UBR3: variants seen among roughly 807,000 people sequenced by gnomAD.
The protein encoded by UBR3 is E3 ubiquitin-protein ligase UBR3.
A neutral mutation model predicts 243.2 loss-of-function variants in UBR3; 85 were observed. That is an observed-to-expected ratio of 0.35 (90% CI 0.29 to 0.42). UBR3 has a LOEUF of 0.42. Ranked by LOEUF, UBR3 falls within the 10% of genes least tolerant of loss-of-function variation. The pLI is 1.00. For missense variants in UBR3, 1,686 were observed against 2,300.8 expected (o/e 0.73, Z 5.47); for synonymous variants, 748 against 799.8 (o/e 0.94, Z 1.09).
Position 169,949,666 on chromosome 2 carries a change from T to A in UBR3, c.3146T>A (p.Ile1049Asn), listed in dbSNP as rs1242111696. 9.0e-6 allele frequency: 14 copies of A among 1,551,082 alleles called. 1 individual carries two copies. In the South Asian group the frequency reaches 1.7e-4, roughly 18 times the overall value. The change falls in exon 23 of 39, where the codon ATC becomes AAC. Residue 1049 changes from isoleucine (I) to asparagine (N), a missense_variant. Physicochemically the swap from Ile to Asn is moderately radical, Grantham distance 149. Transcript: ENST00000272793. Reference protein sequence around the residue: ...VAERRKKFQEIINRSSSEANQ... With the variant: ...VAERRKKFQENINRSSSEANQ... ...GAACGTAGAAAGAAATTTCAGGAAATCATCAATCGCAGTAGCAGTGAAGCA... is the reference window on the plus strand; with the variant it reads ...GAACGTAGAAAGAAATTTCAGGAAAACATCAATCGCAGTAGCAGTGAAGCA...
chr2:169,856,852 G>GGAGGGA (rs1559026587), intron 1 of UBR3, among the ~76,000 whole-genome samples: 4 of 142,326 alleles, frequency 2.8e-5, no homozygotes, highest in East Asian at 2.2e-4. Flanking sequence ...AGGGGGAGGG[G>GGAGGGA]GAGCTATCCA....
chr2:170,052,122 C>T (rs1342617450), intron 32 of UBR3, among the ~76,000 whole-genome samples: 1 of 152,134 alleles, frequency 6.6e-6, no homozygotes, highest in Non-Finnish European at 1.5e-5. Flanking sequence ...CTCTGTTTTA[C>T]ATTTTAGTCA....
chr2:169,851,287 G>T (rs1474789450), intron 1 of UBR3, among the ~76,000 whole-genome samples: 1 of 151,606 alleles, frequency 6.6e-6, no homozygotes, highest in African/African-American at 2.4e-5. Context: ...ACCATGTTTG[G>T]CTAATTTTTG....
chr2:169,832,473 C>T (rs907601761), intron 1 of UBR3, among the ~76,000 whole-genome samples: 3 of 151,688 alleles, frequency 2.0e-5, no homozygotes, highest in African/African-American at 7.3e-5. Context: ...TGGCGTGAAC[C>T]CGGGAGGCGG....
intron 24 of UBR3, chr2:169,964,397 A>G (rs984694527): frequency 2.1e-6 from 1 of 470,186 alleles, no homozygotes; most frequent in Admixed American, 2.4e-5. Flanking sequence ...CACAAGTGAG[A>G]CAAAACAAAA....
At chr2:170,001,486 C>A in intron 27 of UBR3, 72 bp downstream of exon 27, 1 of 854,614 alleles carries the variant, frequency 1.2e-6, no homozygotes, top group Non-Finnish European at 1.9e-6. Flanking sequence ...ATAGTATATA[C>A]ATCCCAATTC....
chr2:170,043,036 C>T lies in UBR3; in HGVS notation c.4660+2051C>T, dbSNP rs528126763. On this transcript the variant is annotated intron_variant, in intron 32 of 38. Coordinates refer to ENST00000272793, the MANE Select transcript of UBR3 (RefSeq NM_172070.4). Reference sequence around the variant, plus strand: ...TTGCCTTGGATCATGCTGGTTTACTCCTGATTGTGCTCTTCTAATTATATT... The same window carrying T: ...TTGCCTTGGATCATGCTGGTTTACTTCTGATTGTGCTCTTCTAATTATATT... 3.0e-4 allele frequency among the ~76,000 whole-genome samples: 46 copies of T among 151,980 alleles called. No individual in the cohort carries two copies. In the Middle Eastern group the frequency reaches 0.017, roughly 56 times the overall value.
chr2:169,910,825 A>G (rs914195964), intron 10 of UBR3, among the ~76,000 whole-genome samples: 2 of 152,188 alleles, frequency 1.3e-5, no homozygotes, highest in Non-Finnish European at 2.9e-5. Context: ...TTTGAAAGCA[A>G]ATTTATCTAA....
rs1231006416 is a variant in UBR3, at chr2:170,083,138, C to T, written c.*1295C>T. ...TTCCATGGCTTGTTATATAAAATTACATTTTTACATGTAAAAATAAACTAA... is the reference window on the plus strand; with the variant it reads ...TTCCATGGCTTGTTATATAAAATTATATTTTTACATGTAAAAATAAACTAA... On this transcript the variant is annotated 3_prime_UTR_variant, in exon 39 of 39. Transcript: ENST00000272793. The T allele has an allele frequency of 1.3e-5, 2 of 151,400 alleles. No individual in the cohort carries two copies. The highest frequency in any genetic ancestry group is 4.9e-5 in the African/African-American group (2 of 41,104). 9.4% of individuals were successfully genotyped at this position (151,400 alleles called of 1,614,324 possible).
At chr2:170,059,390 T>A (rs2091409705) in intron 33 of UBR3, among the ~76,000 whole-genome samples, 1 of 152,216 alleles carries the variant, frequency 6.6e-6, no homozygotes, top group South Asian at 2.1e-4. Flanking sequence ...AGGAAGCTTT[T>A]AGACTGAATT....
intron 25 of UBR3, among the ~76,000 whole-genome samples, chr2:169,988,993 G>A (rs1183514033): frequency 6.6e-6 from 1 of 151,740 alleles, no homozygotes; most frequent in Non-Finnish European, 1.5e-5. Context: ...TTTTAGATTT[G>A]AATATGGAAA....
At chr2:169,873,216 T>C (rs2083487695) in intron 2 of UBR3, among the ~76,000 whole-genome samples, 1 of 152,184 alleles carries the variant, frequency 6.6e-6, no homozygotes. Flanking sequence ...TCTATCTCCA[T>C]CCTTAAAGTG....
intron 35 of UBR3, among the ~76,000 whole-genome samples, chr2:170,066,311 T>C (rs2091565647): frequency 6.6e-6 from 1 of 152,242 alleles, no homozygotes; most frequent in Non-Finnish European, 1.5e-5. Context: ...GGACTAATGA[T>C]AGTAACCTAT....
At chr2:169,934,426 T>A (rs1160694623) in intron 19 of UBR3, among the ~76,000 whole-genome samples, 2 of 152,226 alleles carry the variant, frequency 1.3e-5, no homozygotes, top group Non-Finnish European at 2.9e-5. Flanking sequence ...CATTAAATAA[T>A]GTAATCAATT....
intron 18 of UBR3, 48 bp downstream of exon 18, chr2:169,928,916 T>C (rs1483246409): frequency 4.6e-6 from 6 of 1,302,938 alleles, no homozygotes; most frequent in Non-Finnish European, 6.0e-6. Flanking sequence ...AGTTCTTGAA[T>C]GGTGAATTCT....
intron 1 of UBR3, among the ~76,000 whole-genome samples, chr2:169,831,577 A>G (rs2081944235): frequency 6.6e-6 from 1 of 152,224 alleles, no homozygotes; most frequent in Non-Finnish European, 1.5e-5. Context: ...TATTGTGGCC[A>G]TGCAATTACT....
intron 11 of UBR3, among the ~76,000 whole-genome samples, chr2:169,918,733 A>G (rs1258830638): frequency 6.6e-6 from 1 of 152,168 alleles, no homozygotes; most frequent in Admixed American, 6.5e-5. Flanking sequence ...AAACATGAAT[A>G]TCATGTAGGG....
At chr2:169,846,840 C>T (rs150547062) in intron 1 of UBR3, among the ~76,000 whole-genome samples, 89 of 152,118 alleles carry the variant, frequency 5.9e-4, no homozygotes, top group African/African-American at 2.1e-3. Flanking sequence ...TCAGGTGATT[C>T]TCCCACTTCA....
intron 24 of UBR3, among the ~76,000 whole-genome samples, chr2:169,967,850 G>C (rs147294819): frequency 4.6e-5 from 7 of 151,750 alleles, no homozygotes; most frequent in Admixed American, 4.6e-4. Flanking sequence ...AGTAGGGCTG[G>C]AGATATGAAT....
Sources: gnomAD v4.1 joint callset for allele counts (sites outside exome capture counted in the v4.1 genomes callset) on GRCh38, gnomAD v4.1.1 for gene constraint, MANE v1.5 for transcripts, NCBI Gene and HGNC (gene_info 2026-07-23, HGNC 2026-07-21) for gene names.